MLIP: variants seen among roughly 807,000 people sequenced by gnomAD.
MLIP encodes muscular LMNA interacting protein, also known as muscular LMNA-interacting protein.
A neutral mutation model predicts 84.8 loss-of-function variants in MLIP; 79 were observed. That is an observed-to-expected ratio of 0.93 (90% CI 0.78 to 1.12). The LOEUF (loss-of-function observed/expected upper bound fraction) is 1.12. Ranked by LOEUF, MLIP falls within the 50% of genes most tolerant of loss-of-function variation. The pLI, the probability that MLIP is intolerant of heterozygous loss-of-function variation, is 0.00. For synonymous variants in MLIP, 504 were observed against 463.0 expected (o/e 1.09, Z -1.14); for missense variants, 1,257 against 1,160.6 (o/e 1.08, Z -1.21).
At chr6:54,030,326 C>T (rs1764056581) in intron 1 of MLIP, among the ~76,000 whole-genome samples, 1 of 152,058 alleles carries the variant, frequency 6.6e-6, no homozygotes, top group African/African-American at 2.4e-5. Flanking sequence ...AAAATAAATG[C>T]TAAATTGTGA....
intron 10 of MLIP, among the ~76,000 whole-genome samples, chr6:54,197,787 C>A (rs1442824078): frequency 6.6e-6 from 1 of 152,038 alleles, no homozygotes; most frequent in Non-Finnish European, 1.5e-5. Context: ...TGTAATATTG[C>A]TGAACAATGA....
At chr6:54,255,946 T>G (rs1192501933) in intron 12 of MLIP, among the ~76,000 whole-genome samples, 1 of 152,156 alleles carries the variant, frequency 6.6e-6, no homozygotes, top group Non-Finnish European at 1.5e-5. Context: ...GGGTTTGAAG[T>G]TTGAAGCAGT....
At chr6:54,259,514 T>C (rs1390975375) in intron 13 of MLIP, among the ~76,000 whole-genome samples, 2 of 151,874 alleles carry the variant, frequency 1.3e-5, no homozygotes, top group Non-Finnish European at 1.5e-5. Flanking sequence ...TACTGAATGT[T>C]AGGTAATGCA....
intron 1 of MLIP, among the ~76,000 whole-genome samples, chr6:54,043,031 G>A (rs369248056): frequency 1.3e-5 from 2 of 152,270 alleles, no homozygotes; most frequent in East Asian, 3.9e-4. Context: ...GTAGGCAAAA[G>A]TCTCAAGACT....
At chr6:54,174,099 T>C (rs779873096) in intron 9 of MLIP, among the ~76,000 whole-genome samples, 20 of 152,020 alleles carry the variant, frequency 1.3e-4, no homozygotes, top group Admixed American at 2.6e-4. Flanking sequence ...TAGTACTCCA[T>C]TGTGTATAAG....
At chr6:54,181,191 C>A (rs1297020522) in intron 9 of MLIP, among the ~76,000 whole-genome samples, 1 of 152,108 alleles carries the variant, frequency 6.6e-6, no homozygotes, top group African/African-American at 2.4e-5. Flanking sequence ...TGTTCTATTT[C>A]TCTGAAGCTA....
At chr6:54,130,653 T>C (rs962468452) in intron 3 of MLIP, among the ~76,000 whole-genome samples, 6 of 152,110 alleles carry the variant, frequency 3.9e-5, no homozygotes, top group African/African-American at 1.2e-4. Context: ...TGTATGTGCA[T>C]GCTCAGAAAA....
intron 11 of MLIP, among the ~76,000 whole-genome samples, chr6:54,222,387 C>T (rs1475418689): frequency 6.6e-6 from 1 of 151,950 alleles, no homozygotes; most frequent in Non-Finnish European, 1.5e-5. Context: ...CTCCCCTCTG[C>T]CCCTGGTAAT....
chr6:54,175,616 G>A (rs1776206628), intron 9 of MLIP, among the ~76,000 whole-genome samples: 1 of 151,942 alleles, frequency 6.6e-6, no homozygotes, highest in Non-Finnish European at 1.5e-5. Flanking sequence ...CACCTTTACT[G>A]AATTCATTGT....
intron 1 of MLIP, among the ~76,000 whole-genome samples, chr6:54,093,376 T>TTCTAC: frequency 6.6e-6 from 1 of 151,358 alleles, no homozygotes; most frequent in South Asian, 2.1e-4. Context: ...TTCTATTCTA[T>TTCTAC]TCTATTCTAT....
chr6:54,240,654 T>C (rs942690106), intron 12 of MLIP, among the ~76,000 whole-genome samples: 5 of 152,190 alleles, frequency 3.3e-5, no homozygotes, highest in African/African-American at 9.6e-5. Flanking sequence ...GGCTGTTTGC[T>C]TCAGAATTAT....
At chr6:54,122,066 T>C (rs968011523) in intron 2 of MLIP, among the ~76,000 whole-genome samples, 2 of 152,186 alleles carry the variant, frequency 1.3e-5, no homozygotes, top group East Asian at 3.8e-4. Context: ...ATTTATACAA[T>C]TTTGGTGGAA....
chr6:54,101,979 G>GGA lies in MLIP; in HGVS notation c.64-19467_64-19466dup, dbSNP rs368777472. 5.8e-4 allele frequency among the ~76,000 whole-genome samples: 89 copies of GGA among 152,198 alleles called. No individual in the cohort carries two copies. In the East Asian group the frequency reaches 7.7e-3, roughly 13 times the overall value. ...CCTCCGAGTGTAGTTCTCCTGGGTA[G>GGA]GAACCATATTAGAAAGAAGATCCTG... On this transcript the variant is annotated intron_variant, in intron 1 of 12. Coordinates refer to the MLIP transcript ENST00000274897.
chr6:54,083,170 C>A (rs1767271677), intron 1 of MLIP, among the ~76,000 whole-genome samples: 1 of 151,870 alleles, frequency 6.6e-6, no homozygotes, highest in Non-Finnish European at 1.5e-5. Context: ...TTTCTGTCAA[C>A]CCTAAGTCAT....
At chr6:54,156,701 T>C (rs1774066896) in intron 5 of MLIP, among the ~76,000 whole-genome samples, 1 of 152,254 alleles carries the variant, frequency 6.6e-6, no homozygotes, top group African/African-American at 2.4e-5. Flanking sequence ...CATTTATTAA[T>C]TTAACTTAAC....
chr6:54,194,531 A>G (rs1029330185), intron 10 of MLIP, among the ~76,000 whole-genome samples: 8 of 152,120 alleles, frequency 5.3e-5, no homozygotes, highest in Non-Finnish European at 1.2e-4. Flanking sequence ...ATTTTTATAC[A>G]ACTATTGTAA....
chr6:54,207,411 C>G (rs564359034), intron 11 of MLIP, among the ~76,000 whole-genome samples: 4 of 87,196 alleles, frequency 4.6e-5, no homozygotes, highest in African/African-American at 1.0e-4. Flanking sequence ...ACCTCTGCAC[C>G]CCCCCCCCCT....
intron 12 of MLIP, among the ~76,000 whole-genome samples, chr6:54,255,604 C>G (rs950133809): frequency 4.6e-5 from 7 of 152,080 alleles, no homozygotes; most frequent in Non-Finnish European, 1.0e-4. Flanking sequence ...ATTTTCTGTT[C>G]TCTTTCATTG....
chr6:54,184,828 A>T (rs2150652537), intron 9 of MLIP, among the ~76,000 whole-genome samples: 1 of 152,272 alleles, frequency 6.6e-6, no homozygotes, highest in African/African-American at 2.4e-5. Flanking sequence ...TATATGATTA[A>T]AACAATGTCA....
Sources: gnomAD v4.1 joint callset for allele counts (sites outside exome capture counted in the v4.1 genomes callset) on GRCh38, gnomAD v4.1.1 for gene constraint, MANE v1.5 for transcripts, NCBI Gene and HGNC (gene_info 2026-07-23, HGNC 2026-07-21) for gene names.